RNFT2: variants seen among roughly 807,000 people sequenced by gnomAD.
RNFT2 encodes ring finger protein, transmembrane 2, also known as E3 ubiquitin-protein ligase RNFT2.
RNFT2 carries 36 observed loss-of-function variants against 53.0 expected under a neutral mutation model. That is an observed-to-expected ratio of 0.68 (90% CI 0.52 to 0.90). RNFT2 has a LOEUF of 0.90. Ranked by LOEUF, RNFT2 falls within the 40% of genes least tolerant of loss-of-function variation. RNFT2 has a pLI of 0.00. For missense variants in RNFT2, 514 were observed against 585.6 expected (o/e 0.88, Z 1.26); for synonymous variants, 260 against 253.2 (o/e 1.03, Z -0.26).
intron 5 of RNFT2, among the ~76,000 whole-genome samples, chr12:116,761,712 C>G (rs1872697408): frequency 6.6e-6 from 1 of 152,182 alleles, no homozygotes; most frequent in Non-Finnish European, 1.5e-5. Flanking sequence ...TGAGGTCACA[C>G]AGCCAGTGCA....
chr12:116,764,002 A>G (rs1052706225), intron 5 of RNFT2, among the ~76,000 whole-genome samples: 6 of 152,306 alleles, frequency 3.9e-5, no homozygotes, highest in African/African-American at 1.4e-4. Context: ...TATGTATATG[A>G]TGGAATTCTA....
chr12:116,768,542 G>A (rs547458104), intron 6 of RNFT2, among the ~76,000 whole-genome samples: 1 of 152,244 alleles, frequency 6.6e-6, no homozygotes, highest in African/African-American at 2.4e-5. Context: ...CCATCATAAC[G>A]CTGTAGCACA....
At chr12:116,771,460 TAAAAAAAAAA>T (rs35911608) in intron 6 of RNFT2, among the ~76,000 whole-genome samples, 1,314 of 64,082 alleles carry the variant, frequency 0.021, 63 homozygotes, top group African/African-American at 0.074. Flanking sequence ...ATCCTATCGT[TAAAAAAAAAA>T]AAAAAAAAAA....
chr12:116,840,534 C>T (rs1592990447), intron 10 of RNFT2, among the ~76,000 whole-genome samples: 1 of 152,330 alleles, frequency 6.6e-6, no homozygotes, highest in Non-Finnish European at 1.5e-5. Flanking sequence ...CCAGCCAGGC[C>T]TGTGCACGTT....
intron 7 of RNFT2, among the ~76,000 whole-genome samples, chr12:116,780,168 A>C (rs115148685): frequency 0.015 from 2,351 of 152,058 alleles, 75 homozygotes; most frequent in African/African-American, 0.053. Context: ...CATAACCCCA[A>C]TCTTTGGGCC....
intron 4 of RNFT2, among the ~76,000 whole-genome samples, chr12:116,753,151 T>TC (rs1555258970): frequency 5.8e-5 from 6 of 103,436 alleles, no homozygotes; most frequent in Non-Finnish European, 1.1e-4. Context: ...TCTTTTTCTT[T>TC]TTTTTTTTTT....
rs191277214 is a variant in RNFT2 at position 116,800,165 on chromosome 12, A to G, written c.882+20817A>G. Among the ~76,000 whole-genome samples the G allele has an allele frequency of 4.6e-5, 7 of 152,242 alleles. No homozygotes were observed. The Middle Eastern group carries it at 0.01, about 222-fold the overall frequency. ...GTGCCATGCTCCCCCTACAGTCTGCAGAACCATGAGCCAAGATAAACCTCT... is the reference window on the plus strand; with the variant it reads ...GTGCCATGCTCCCCCTACAGTCTGCGGAACCATGAGCCAAGATAAACCTCT... On this transcript the variant is annotated intron_variant, in intron 7 of 10. Transcript: ENST00000257575.
chr12:116,765,384 C>T (rs1042336754), intron 5 of RNFT2, among the ~76,000 whole-genome samples: 3 of 152,194 alleles, frequency 2.0e-5, no homozygotes, highest in African/African-American at 4.8e-5. Flanking sequence ...GCATTTGTTT[C>T]GTCCACTCTC....
At chr12:116,761,967 T>C (rs1872705633) in intron 5 of RNFT2, among the ~76,000 whole-genome samples, 1 of 150,320 alleles carries the variant, frequency 6.7e-6, no homozygotes, top group East Asian at 2.0e-4. Flanking sequence ...CTCAGAAGGC[T>C]GAGGCATGAG....
chr12:116,748,162 C>G (rs747753788), intron 3 of RNFT2, among the ~76,000 whole-genome samples: 4 of 151,918 alleles, frequency 2.6e-5, no homozygotes, highest in Non-Finnish European at 4.4e-5. Context: ...TGCACTCCAG[C>G]CTGGGTGACA....
chr12:116,781,334 G>C, intron 7 of RNFT2, among the ~76,000 whole-genome samples: 1 of 152,142 alleles, frequency 6.6e-6, no homozygotes, highest in Middle Eastern at 3.2e-3. Context: ...CTTCCAGTTG[G>C]GTTCAGCTGA....
intron 7 of RNFT2, among the ~76,000 whole-genome samples, chr12:116,795,488 A>G (rs1874461444): frequency 6.6e-6 from 1 of 152,072 alleles, no homozygotes; most frequent in Non-Finnish European, 1.5e-5. Flanking sequence ...CTAATATAGT[A>G]GCTACAGGCC....
At chr12:116,791,606 G>A (rs770561660) in intron 7 of RNFT2, among the ~76,000 whole-genome samples, 9 of 152,094 alleles carry the variant, frequency 5.9e-5, no homozygotes, top group Non-Finnish European at 1.2e-4. Context: ...CACCATGCCC[G>A]GCTTTCATTC....
chr12:116,825,562 C>T (rs1876280658), intron 7 of RNFT2, among the ~76,000 whole-genome samples: 2 of 152,192 alleles, frequency 1.3e-5, no homozygotes, highest in African/African-American at 2.4e-5. Context: ...ACAGGTTTTA[C>T]TGACATGTGA....
At chr12:116,788,570 C>G (rs898918658) in intron 7 of RNFT2, among the ~76,000 whole-genome samples, 1 of 152,140 alleles carries the variant, frequency 6.6e-6, no homozygotes, top group Non-Finnish European at 1.5e-5. Flanking sequence ...GCACCCACCA[C>G]TCTGACTGTA....
intron 7 of RNFT2, among the ~76,000 whole-genome samples, chr12:116,791,529 G>C (rs112371401): frequency 0.089 from 13,504 of 152,162 alleles, 1,671 homozygotes; most frequent in African/African-American, 0.28. Flanking sequence ...AGCCTGGTCT[G>C]AGACTCCTGA....
chr12:116,809,052 T>C (rs960262793), intron 7 of RNFT2, among the ~76,000 whole-genome samples: 3 of 152,206 alleles, frequency 2.0e-5, no homozygotes, highest in African/African-American at 7.2e-5. Flanking sequence ...GCCGGAGCCA[T>C]GGCTTTTTTG....
intron 10 of RNFT2, among the ~76,000 whole-genome samples, chr12:116,844,634 T>C (rs1877514145): frequency 6.6e-6 from 1 of 152,232 alleles, no homozygotes; most frequent in South Asian, 2.1e-4. Flanking sequence ...CAAAAGCTCT[T>C]TGAGGTCTTC....
chr12:116,849,254 C>G (rs147877999), intron 10 of RNFT2, 60 bp from the exon 11 acceptor site: 1 of 1,418,006 alleles, frequency 7.1e-7, no homozygotes, highest in African/African-American at 1.4e-5. Flanking sequence ...CTCCTGCTCC[C>G]GAGACCGAGG....
Sources: gnomAD v4.1 joint callset for allele counts (sites outside exome capture counted in the v4.1 genomes callset) on GRCh38, gnomAD v4.1.1 for gene constraint, MANE v1.5 for transcripts, NCBI Gene and HGNC (gene_info 2026-07-23, HGNC 2026-07-21) for gene names.